LINGO1: variants seen among roughly 807,000 people sequenced by gnomAD.
LINGO1 encodes the protein leucine rich repeat and Ig domain containing 1.
Under a neutral mutation model 37.3 loss-of-function variants are expected in LINGO1, and 11 were observed. The observed-to-expected ratio is 0.29, with a 90% CI of 0.19 to 0.49. LINGO1 has a LOEUF of 0.49. Ranked by LOEUF, LINGO1 falls within the 20% of genes least tolerant of loss-of-function variation. The pLI is 0.99. For missense variants in LINGO1, 585 were observed against 878.2 expected, an observed-to-expected ratio of 0.67 and a Z score of 4.22; for synonymous variants, 387 against 403.0, an observed-to-expected ratio of 0.96 and a Z score of 0.48.
At chr15:77,685,507 C>A (rs754915844) in intron 2 of LINGO1, among the ~76,000 whole-genome samples, 1 of 152,092 alleles carries the variant, frequency 6.6e-6, no homozygotes, top group Non-Finnish European at 1.5e-5. Context: ...TGCACACATG[C>A]CCCTGAAGGC....
chr15:77,702,005 G>A (rs138485029), intron 2 of LINGO1, among the ~76,000 whole-genome samples: 6 of 152,296 alleles, frequency 3.9e-5, no homozygotes, highest in African/African-American at 1.4e-4. Flanking sequence ...AGCCACCTGG[G>A]GGCTGAGGCT....
chr15:77,739,527 T>C (rs1838546970), intron 1 of LINGO1, among the ~76,000 whole-genome samples: 2 of 152,176 alleles, frequency 1.3e-5, no homozygotes, highest in Admixed American at 1.3e-4. Flanking sequence ...TGGGATGCCT[T>C]GATGGAACAA....
At chr15:77,646,309 G>A (rs1237382808) in intron 3 of LINGO1, 2 of 357,982 alleles carry the variant, frequency 5.6e-6, no homozygotes, top group Admixed American at 6.5e-5. Context: ...AGTGGGCGGG[G>A]AACCCGGACC....
chr15:77,667,444 G>A (rs2075156788), intron 3 of LINGO1, among the ~76,000 whole-genome samples: 1 of 152,180 alleles, frequency 6.6e-6, no homozygotes, highest in Non-Finnish European at 1.5e-5. Context: ...AGTGAAGGAG[G>A]CAGCTGCTGA....
At chr15:77,764,703 A>G (rs576281769) in intron 1 of LINGO1, among the ~76,000 whole-genome samples, 1 of 152,310 alleles carries the variant, frequency 6.6e-6, no homozygotes, top group East Asian at 1.9e-4. Context: ...CCAACTACTC[A>G]TACGTTGCTG....
Position 77,655,931 on chromosome 15 carries a change from C to T in LINGO1, c.-13+21158G>A, listed in dbSNP as rs559078539. On this transcript the variant is annotated intron_variant, in intron 3 of 3. Transcript: ENST00000559893. ...CAGCCTTCCACTTCTGCCCCGGTCACGTGGAGTTCCACTGCCAAGCTACTA... is the reference window on the plus strand; with the variant it reads ...CAGCCTTCCACTTCTGCCCCGGTCATGTGGAGTTCCACTGCCAAGCTACTA... Among the ~76,000 whole-genome samples, 11 of 152,372 alleles carry T rather than the reference C, an allele frequency of 7.2e-5. No individual in the cohort carries two copies. In the East Asian group the frequency reaches 2.1e-3, roughly 29 times the overall value.
chr15:77,614,642 C>T lies in LINGO1; in HGVS notation c.1265G>A (p.Arg422His), dbSNP rs1324374080. ...DVLLPNYFTC[R>H]RARIRDRKAQ... ...CTTGCGGTCCCGGATGCGGGCGCGG[C>T]GGCAGGTGAAGTAGTTGGGCAGTAG... The change falls in exon 2 of 2, where the codon CGC becomes CAC. Residue 422 changes from arginine (R) to histidine (H), a missense_variant. Physicochemically the swap from Arg to His is conservative, Grantham distance 29. Transcript: ENST00000355300. The T allele has an allele frequency of 9.3e-6, 15 of 1,611,366 alleles. No individual in the cohort carries two copies. The East Asian group carries it at 2.0e-4, about 22-fold the overall frequency.
At chr15:77,688,247 GC>G (rs977858767) in intron 2 of LINGO1, among the ~76,000 whole-genome samples, 2 of 152,338 alleles carry the variant, frequency 1.3e-5, no homozygotes, top group East Asian at 3.9e-4. Flanking sequence ...GCCCAGCCAA[GC>G]CCCCCACTGT....
At chr15:77,636,992 G>A (rs980388889), upstream of LINGO1, among the ~76,000 whole-genome samples, 25 of 152,172 alleles carry the variant, frequency 1.6e-4, no homozygotes, top group Admixed American at 3.3e-4. Flanking sequence ...GATGTGGCTC[G>A]GTATAGAGCC....
chr15:77,768,272 T>G (rs899590344), intron 1 of LINGO1, among the ~76,000 whole-genome samples: 5 of 57,390 alleles, frequency 8.7e-5, no homozygotes, highest in Non-Finnish European at 2.4e-4. Flanking sequence ...AGATGCAGGG[T>G]CCCCGGGCAG....
At chr15:77,721,739 T>C (rs948452745) in intron 2 of LINGO1, among the ~76,000 whole-genome samples, 1 of 152,152 alleles carries the variant, frequency 6.6e-6, no homozygotes, top group Non-Finnish European at 1.5e-5. Context: ...CTGCATAGCG[T>C]TGGCCTTGGG....
At chr15:77,813,370 G>C (rs1283544791) in intron 1 of LINGO1, among the ~76,000 whole-genome samples, 2 of 152,198 alleles carry the variant, frequency 1.3e-5, no homozygotes, top group Non-Finnish European at 2.9e-5. Context: ...CTGGAGCCTG[G>C]GGACACAGAG....
upstream of LINGO1, among the ~76,000 whole-genome samples, chr15:77,638,375 C>T (rs866311703): frequency 1.3e-4 from 20 of 152,082 alleles, no homozygotes; most frequent in African/African-American, 3.6e-4. Flanking sequence ...GAAGTGTGCA[C>T]TCCTTTAAAA....
intron 3 of LINGO1, among the ~76,000 whole-genome samples, chr15:77,663,976 C>T (rs2075056695): frequency 6.6e-6 from 1 of 152,184 alleles, no homozygotes; most frequent in Non-Finnish European, 1.5e-5. Flanking sequence ...CTGGCAGAGG[C>T]TGGGGCAGGA....
chr15:77,664,170 T>C (rs113529672), intron 3 of LINGO1, among the ~76,000 whole-genome samples: 18,748 of 130,340 alleles, frequency 0.14, 1,421 homozygotes, highest in African/African-American at 0.18. Context: ...TGTGTGTGTG[T>C]GCGCGCGCGC....
chr15:77,781,268 C>A (rs912223849), intron 1 of LINGO1, among the ~76,000 whole-genome samples: 1 of 152,162 alleles, frequency 6.6e-6, no homozygotes. Flanking sequence ...TCTTCTGCCT[C>A]CAGCAAAGGT....
intron 1 of LINGO1, among the ~76,000 whole-genome samples, chr15:77,757,662 G>C (rs1301491886): frequency 3.4e-5 from 5 of 147,760 alleles, no homozygotes; most frequent in African/African-American, 1.2e-4. Flanking sequence ...CCCCAGATAA[G>C]AGGAGACTGG....
At position 77,630,241 on chromosome 15, in the gene LINGO1, G is replaced by A. The variant is rs750103322; in HGVS notation, c.6+2069C>T. Among the ~76,000 whole-genome samples, 7 of 151,644 alleles carry A rather than the reference G, an allele frequency of 4.6e-5. No homozygotes were observed. The East Asian group carries it at 5.8e-4, about 13-fold the overall frequency. On this transcript the variant is annotated intron_variant, in intron 1 of 1. Coordinates refer to ENST00000355300, the MANE Select transcript of LINGO1 (RefSeq NM_032808.7). ...ACTGGACACGCTGCCTCATGCCTCC[G>A]TGGGACCCTGCACGAATGACTGCAC...
chr15:77,806,146 T>G (rs11631881), intron 1 of LINGO1, among the ~76,000 whole-genome samples: 26,925 of 151,890 alleles, frequency 0.18, 2,837 homozygotes, highest in Admixed American at 0.32. Context: ...CACTGGTGAG[T>G]GCCACCTGAC....
Sources: gnomAD v4.1 joint callset for allele counts (sites outside exome capture counted in the v4.1 genomes callset) on GRCh38, gnomAD v4.1.1 for gene constraint, MANE v1.5 for transcripts, NCBI Gene and HGNC (gene_info 2026-07-23, HGNC 2026-07-21) for gene names.